The following REEP3 variants were observed in gnomAD, a reference collection of about 807,000 sequenced individuals.
REEP3 encodes the protein receptor accessory protein 3, also known as receptor expression-enhancing protein 3.
REEP3 carries 20 observed loss-of-function variants against 41.3 expected under a neutral mutation model. The observed-to-expected ratio is 0.48, with a 90% CI of 0.34 to 0.70. The LOEUF (loss-of-function observed/expected upper bound fraction) is 0.70. REEP3 is among the 30% of genes least tolerant of loss of function. The probability of loss-of-function intolerance (pLI) is 0.01; values close to 1 mark genes in which losing one functional copy is unlikely to be tolerated. For missense variants in REEP3, 271 were observed against 308.8 expected (o/e 0.88, Z 0.92); for synonymous variants, 104 against 101.8 (o/e 1.02, Z -0.13).
chr10:63,579,872 A>C (rs1252140075), intron 2 of REEP3, among the ~76,000 whole-genome samples: 2 of 152,208 alleles, frequency 1.3e-5, no homozygotes. Flanking sequence ...AAGCTACAAT[A>C]ACCAGAAAAC....
intron 1 of REEP3, among the ~76,000 whole-genome samples, chr10:63,533,812 A>G (rs1955449167): frequency 6.7e-6 from 1 of 149,602 alleles, no homozygotes; most frequent in Non-Finnish European, 1.5e-5. Flanking sequence ...GGTTCAAGCA[A>G]TTCTCCTACC....
chr10:63,610,080 C>A, intron 5 of REEP3, 107 bp from the exon 6 acceptor site: 1 of 975,264 alleles, frequency 1.0e-6, no homozygotes, highest in Non-Finnish European at 1.5e-6. Flanking sequence ...GTTCATTGTA[C>A]AATTCTTTCA....
intron 2 of REEP3, among the ~76,000 whole-genome samples, chr10:63,567,486 C>A (rs1032697005): frequency 6.6e-6 from 1 of 152,060 alleles, no homozygotes; most frequent in South Asian, 2.1e-4. Context: ...AAGGTTCATA[C>A]GTATCTTAGT....
At chr10:63,562,460 T>G in intron 1 of REEP3, 1 of 428,346 alleles carries the variant, frequency 2.3e-6, no homozygotes, top group Non-Finnish European at 4.7e-6. Flanking sequence ...TTTCCCCACG[T>G]TGGCCAAGCT....
Position 63,622,052 on chromosome 10 carries a change from C to T in REEP3, c.*1183C>T, listed in dbSNP as rs541777245. 12 of 152,256 alleles carry T rather than the reference C, an allele frequency of 7.9e-5. No homozygotes were observed. Among genetic ancestry groups the T allele is most frequent in the African/African-American group, 2.9e-4 (12 of 41,556 alleles). 9.4% of individuals were successfully genotyped at this position (152,256 alleles called of 1,614,324 possible). ...ATTTTGAGTTATTGAATTCTTAAGGCTTTCTTAGCTTGAACTGATAACTAT... is the reference window on the plus strand; with the variant it reads ...ATTTTGAGTTATTGAATTCTTAAGGTTTTCTTAGCTTGAACTGATAACTAT... On this transcript the variant is annotated 3_prime_UTR_variant, in exon 8 of 8. Coordinates refer to ENST00000373758, the MANE Select transcript of REEP3 (RefSeq NM_001001330.3).
intron 1 of REEP3, among the ~76,000 whole-genome samples, chr10:63,538,420 CAG>C (rs755291170): frequency 6.6e-6 from 1 of 152,126 alleles, no homozygotes; most frequent in Non-Finnish European, 1.5e-5. Context: ...TTGATGCACA[CAG>C]AGTGTCATTT....
intron 1 of REEP3, among the ~76,000 whole-genome samples, chr10:63,549,535 C>A (rs1446543086): frequency 6.6e-6 from 1 of 152,140 alleles, no homozygotes; most frequent in Non-Finnish European, 1.5e-5. Flanking sequence ...CCACTGTACT[C>A]CAGTTTGGGT....
chr10:63,620,943 A>G lies in REEP3; in HGVS notation c.*74A>G. ...CTTCATCTTCTAACATGATATATTC[A>G]GGATTTACACATTAAAATGATTATT... On this transcript the variant is annotated 3_prime_UTR_variant, in exon 8 of 8. Coordinates refer to ENST00000373758, the MANE Select transcript of REEP3 (RefSeq NM_001001330.3). The G allele has an allele frequency of 6.6e-6, 6 of 911,610 alleles. No individual in the cohort carries two copies. The South Asian group carries it at 7.7e-5, about 12-fold the overall frequency. The allele number at this position is 911,610 out of a possible 1,614,324, so 56.5% of individuals were successfully genotyped here.
chr10:63,572,274 G>A (rs973860399), intron 2 of REEP3, among the ~76,000 whole-genome samples: 6 of 151,016 alleles, frequency 4.0e-5, no homozygotes, highest in African/African-American at 1.2e-4. Context: ...GCAAGGCTAA[G>A]TCCTAAACTT....
chr10:63,543,152 C>T (rs1363035762), intron 1 of REEP3, among the ~76,000 whole-genome samples: 14 of 152,190 alleles, frequency 9.2e-5, no homozygotes, highest in Non-Finnish European at 2.1e-4. Flanking sequence ...TACTGTGTAA[C>T]AAACCACCCA....
At position 63,599,331 on chromosome 10, in the gene REEP3, A is replaced by G. The variant is rs865823471; in HGVS notation, c.417+48A>G. ...AATCCAATGTCATATTAAGTCAACA[A>G]ATAAAGGTGGCTTCTTATTTCAAAC... On this transcript the variant is annotated intron_variant, in intron 5 of 7. Coordinates refer to ENST00000373758, the MANE Select transcript of REEP3 (RefSeq NM_001001330.3). The G allele has an allele frequency of 1.5e-5, 12 of 805,976 alleles. No individual in the cohort carries two copies. The African/African-American group carries it at 2.0e-4, about 13-fold the overall frequency. 49.9% of individuals were successfully genotyped at this position (805,976 alleles called of 1,614,324 possible). A position where few individuals can be genotyped will look rare whatever the true frequency, so the allele number is the denominator to read the frequency against.
intron 2 of REEP3, among the ~76,000 whole-genome samples, chr10:63,573,667 T>C (rs144354616): frequency 6.6e-6 from 1 of 152,312 alleles, no homozygotes; most frequent in East Asian, 1.9e-4. Context: ...TTAGGTGATA[T>C]GAAAATGAAC....
chr10:63,539,017 C>G (rs1236126167), intron 1 of REEP3, among the ~76,000 whole-genome samples: 1 of 152,118 alleles, frequency 6.6e-6, no homozygotes, highest in East Asian at 1.9e-4. Context: ...GATCTGTTCA[C>G]AAAGATTTCT....
intron 1 of REEP3, among the ~76,000 whole-genome samples, chr10:63,549,514 C>G (rs1369255894): frequency 6.6e-6 from 1 of 152,182 alleles, no homozygotes; most frequent in Admixed American, 6.5e-5. Flanking sequence ...CTGCAATAAG[C>G]TGTGATGACA....
At chr10:63,605,651 G>A (rs1485139459) in intron 5 of REEP3, among the ~76,000 whole-genome samples, 1 of 152,148 alleles carries the variant, frequency 6.6e-6, no homozygotes, top group East Asian at 1.9e-4. Context: ...GTTTAACCAG[G>A]AAATGAAGTA....
chr10:63,524,815 C>T (rs1460369339), intron 1 of REEP3, among the ~76,000 whole-genome samples: 1 of 152,038 alleles, frequency 6.6e-6, no homozygotes, highest in Non-Finnish European at 1.5e-5. Flanking sequence ...AGTCTTCTTG[C>T]CTTTAAGTCA....
rs749454915 is a variant in REEP3 at position 63,624,785 on chromosome 10, A to G, written c.*3916A>G. 5 of 152,182 alleles carry G rather than the reference A, an allele frequency of 3.3e-5. No individual in the cohort carries two copies. Among genetic ancestry groups the G allele is most frequent in the African/African-American group, 4.8e-5 (2 of 41,470 alleles). 9.4% of individuals were successfully genotyped at this position (152,182 alleles called of 1,614,324 possible). A position where few individuals can be genotyped will look rare whatever the true frequency, so the allele number is the denominator to read the frequency against. On this transcript the variant is annotated 3_prime_UTR_variant, in exon 8 of 8. Coordinates refer to ENST00000373758, the MANE Select transcript of REEP3 (RefSeq NM_001001330.3). ...GTTAAATTTGGATGTTAGAAAGGAA[A>G]GATAGGAAAAACAATGAGTACAGAA...
intron 1 of REEP3, among the ~76,000 whole-genome samples, chr10:63,565,886 C>CTT (rs372856366): frequency 0.2 from 27,325 of 136,920 alleles, 3,553 homozygotes; most frequent in Non-Finnish European, 0.29. Flanking sequence ...TTTAAATCAT[C>CTT]TTTTTTTTTT....
At position 63,596,334 on chromosome 10, in the gene REEP3, A is replaced by T. The variant is rs146914267; in HGVS notation, c.182+1480A>T. Among the ~76,000 whole-genome samples the T allele has an allele frequency of 4.1e-4, 58 of 141,242 alleles. No homozygotes were observed. In the East Asian group the frequency reaches 0.011, roughly 26 times the overall value. 92.7% of individuals were successfully genotyped at this position (141,242 alleles called of 152,430 possible). On this transcript the variant is annotated intron_variant, in intron 3 of 7. Transcript: ENST00000373758. ...ACAGATCCCCAACCGTGCTACATCG[A>T]AGTTTCCAAGTTCTCTTTTTAAGAC...
Sources: gnomAD v4.1 joint callset for allele counts (sites outside exome capture counted in the v4.1 genomes callset) on GRCh38, gnomAD v4.1.1 for gene constraint, MANE v1.5 for transcripts, NCBI Gene and HGNC (gene_info 2026-07-23, HGNC 2026-07-21) for gene names.